The following TFRC variants were observed in gnomAD, a reference collection of about 807,000 sequenced individuals.
The protein encoded by TFRC is transferrin receptor, also known as transferrin receptor protein 1.
Under a neutral mutation model 85.8 loss-of-function variants are expected in TFRC, and 35 were observed. The observed-to-expected ratio is 0.41, with a 90% CI of 0.31 to 0.54. The LOEUF is 0.54. TFRC is among the 20% of genes least tolerant of loss of function. The pLI, the probability that TFRC is intolerant of heterozygous loss-of-function variation, is 0.31. For synonymous variants in TFRC, 362 were observed against 328.6 expected (o/e 1.10, Z -1.10); for missense variants, 828 against 921.5 (o/e 0.90, Z 1.31).
intron 7 of TFRC, 107 bp from the exon 8 acceptor site, chr3:196,068,237 T>G: frequency 1.6e-6 from 1 of 639,418 alleles, no homozygotes; most frequent in East Asian, 3.0e-5. Flanking sequence ...GGACTAAACT[T>G]ATAATACTTC....
chr3:196,072,142 C>G lies in TFRC; in HGVS notation c.445G>C (p.Glu149Gln), dbSNP rs750438577. Reference sequence around the variant, plus strand: ...GCCTCACGAGGGACATATGAATTTTCATTCAGCAGCCTGGAGGAGAAAATG... The same window carrying G: ...GCCTCACGAGGGACATATGAATTTTGATTCAGCAGCCTGGAGGAGAAAATG... ...DFTGTIKLLN[E>Q]NSYVPREAGS... Residue 149 changes from glutamate to glutamine, a missense_variant, in exon 5 of 19, where the codon GAA becomes CAA. Physicochemically the swap from Glu to Gln is conservative, Grantham distance 29. Transcript: ENST00000360110. 4 of 1,613,194 alleles carry G rather than the reference C, an allele frequency of 2.5e-6. No individual in the cohort carries two copies. Among genetic ancestry groups the G allele is most frequent in the Middle Eastern group, 1.6e-4 (1 of 6,080 alleles).
chr3:196,053,506 C>G lies in TFRC; in HGVS notation c.1952G>C (p.Arg651Pro). 1 of 1,614,158 alleles carries G rather than the reference C, an allele frequency of 6.2e-7. No individual in the cohort carries two copies. Among genetic ancestry groups the G allele is most frequent in the East Asian group, 2.2e-5 (1 of 44,872 alleles). Residue 651 changes from arginine (R) to proline (P), a missense_variant, in exon 18 of 19, where the codon CGT becomes CCT. By Grantham distance (103) the Arg-to-Pro change is moderately radical. Transcript: ENST00000360110. ...WLYSARGDFF[R>P]ATSRLTTDFG... ...ATCTGTTGTTAGTCTGGAAGTAGCA[C>G]GGAAGAAGTCTCCACGAGCAGAATA...
intron 3 of TFRC, 135 bp downstream of exon 3, chr3:196,075,024 C>T: frequency 1.2e-6 from 1 of 801,222 alleles, no homozygotes; most frequent in Non-Finnish European, 1.8e-6. Flanking sequence ...CTAGCCTAGG[C>T]AAGAGAGTAA....
chr3:196,074,134 ACAAAGTTC>A lies in TFRC; in HGVS notation c.239-17_239-10del. 6.2e-7 allele frequency: 1 copy of A among 1,604,718 alleles called. No homozygotes were observed. Among genetic ancestry groups the A allele is most frequent in the South Asian group, 1.1e-5 (1 of 90,276 alleles). ...GTAGCCAATCATAAATCCTAAAGAGACAAAGTTCCAGAGCTGAACTCAGAATTTCATTT... is the reference window on the plus strand; with the variant it reads ...GTAGCCAATCATAAATCCTAAAGAGACAGAGCTGAACTCAGAATTTCATTT... On this transcript the variant is annotated splice_polypyrimidine_tract_variant and intron_variant, in intron 3 of 18. Transcript: ENST00000360110.
chr3:196,056,469 G>C (rs776341812), intron 16 of TFRC, among the ~76,000 whole-genome samples: 3 of 152,150 alleles, frequency 2.0e-5, no homozygotes, highest in African/African-American at 4.8e-5. Flanking sequence ...GCACGATCTC[G>C]GCTCACTGCA....
intron 3 of TFRC, among the ~76,000 whole-genome samples, chr3:196,074,611 T>C (rs1718499560): frequency 2.0e-5 from 3 of 152,182 alleles, no homozygotes; most frequent in Non-Finnish European, 4.4e-5. Flanking sequence ...GACGGGAAAG[T>C]GGCTCATGCC....
At chr3:196,065,979 A>G (rs372413138) in intron 9 of TFRC, among the ~76,000 whole-genome samples, 2 of 150,926 alleles carry the variant, frequency 1.3e-5, no homozygotes, top group Non-Finnish European at 1.5e-5. Flanking sequence ...ACAGAGCACA[A>G]GTCCTGTCTC....
chr3:196,074,921 CCTA>C (rs1185619942), intron 3 of TFRC, among the ~76,000 whole-genome samples: 7 of 150,608 alleles, frequency 4.6e-5, no homozygotes, highest in Admixed American at 1.3e-4. Flanking sequence ...GTCGTGGGCG[CCTA>C]TAGTCCCAGC....
At chr3:196,060,130 G>A (rs754059926) in intron 14 of TFRC, 50 bp downstream of exon 14, 9 of 1,465,332 alleles carry the variant, frequency 6.1e-6, no homozygotes, top group Non-Finnish European at 8.5e-6. Flanking sequence ...ATCTCAGGTT[G>A]ATTCAACAAA....
intron 11 of TFRC, among the ~76,000 whole-genome samples, chr3:196,063,852 G>A (rs1333987376): frequency 6.6e-6 from 1 of 152,142 alleles, no homozygotes; most frequent in African/African-American, 2.4e-5. Context: ...GGGAGGCAGA[G>A]GTTGCAGTGA....
At chr3:196,063,174 T>G in intron 11 of TFRC, 1 of 415,836 alleles carries the variant, frequency 2.4e-6, no homozygotes, top group Non-Finnish European at 4.4e-6. Flanking sequence ...AAGAGCAAGA[T>G]AGGAGATCTG....
Position 196,064,408 on chromosome 3 carries a change from C to T in TFRC, c.1219G>A (p.Ala407Thr), listed in dbSNP as rs184956956. 7.8e-5 allele frequency: 126 copies of T among 1,606,510 alleles called. 1 individual carries two copies. The East Asian group carries it at 1.5e-3, about 19-fold the overall frequency. ...CCAGGGCCCCATGCATCTCTCTGGG[C>T]CCCAACTACAACATAGTGATCTTTA... The part of the protein sequence containing the change: ...VEPDHYVVVG[A>T]QRDAWGPGAA... Residue 407 changes from alanine to threonine, a missense_variant, in exon 11 of 19, where the codon GCC becomes ACC. Transcript: ENST00000360110.
At chr3:196,077,841 T>C (rs1718837091) in intron 1 of TFRC, among the ~76,000 whole-genome samples, 1 of 152,022 alleles carries the variant, frequency 6.6e-6, no homozygotes, top group African/African-American at 2.4e-5. Context: ...ACAAACCATC[T>C]CCAATGGGAA....
rs959378547 is a variant in TFRC at position 196,050,257 on chromosome 3, G to A, written c.*1685C>T. ...ACTATCTCATTAAGTAGAGGACCTG[G>A]AGAAACCATAAAGGTAACAAAAACC... is the stretch of plus-strand genomic sequence containing the variant. On this transcript the variant is annotated 3_prime_UTR_variant, in exon 19 of 19. Transcript: ENST00000360110. 1.3e-5 allele frequency: 3 copies of A among 223,128 alleles called. No individual in the cohort carries two copies. Among genetic ancestry groups the A allele is most frequent in the Non-Finnish European group, 2.7e-5 (3 of 111,892 alleles). 13.8% of individuals were successfully genotyped at this position (223,128 alleles called of 1,614,324 possible).
intron 16 of TFRC, 133 bp downstream of exon 16, chr3:196,058,151 T>C: frequency 6.5e-6 from 4 of 618,584 alleles, no homozygotes; most frequent in Non-Finnish European, 1.1e-5. Flanking sequence ...AAACTTGTTT[T>C]CCTTTACTCC....
At chr3:196,073,621 G>T (rs943684599) in intron 4 of TFRC, among the ~76,000 whole-genome samples, 1 of 152,104 alleles carries the variant, frequency 6.6e-6, no homozygotes, top group African/African-American at 2.4e-5. Context: ...TTAGTACAAC[G>T]TTACAAGAGG....
At position 196,072,068 on chromosome 3, in the gene TFRC, A is replaced by T. The variant is rs1231925820; in HGVS notation, c.519T>A (p.Phe173Leu). 6.2e-7 allele frequency: 1 copy of T among 1,614,178 alleles called. No individual in the cohort carries two copies. Among genetic ancestry groups the T allele is most frequent in the South Asian group, 1.1e-5 (1 of 91,078 alleles). Residue 173 changes from phenylalanine (F) to leucine (L), a missense_variant, in exon 5 of 19, where the codon TTT (phenylalanine) becomes TTA (leucine). Transcript: ENST00000360110. ...ENLALYVENQ[F>L]REFKLSKVWR... ...AGACTTTGCTGAGTTTAAATTCACG[A>T]AATTGATTTTCAACATACAACGCAA...
At chr3:196,062,776 C>A (rs1717391365) in intron 12 of TFRC, 78 bp downstream of exon 12, 13 of 1,576,160 alleles carry the variant, frequency 8.2e-6, no homozygotes. Context: ...AAAATCAAAC[C>A]TATAAAAACA....
intron 3 of TFRC, among the ~76,000 whole-genome samples, chr3:196,074,635 C>T (rs1313139349): frequency 1.3e-5 from 2 of 152,122 alleles, no homozygotes; most frequent in East Asian, 1.9e-4. Flanking sequence ...AATCCCAGCA[C>T]TCTGGGAGGC....
Sources: allele counts gnomAD v4.1 joint callset (sites outside exome capture counted in the v4.1 genomes callset), GRCh38; gene constraint gnomAD v4.1.1; transcripts MANE v1.5; gene names NCBI Gene and HGNC (gene_info 2026-07-23, HGNC 2026-07-21).